Variants in PHF14 observed in about 807,000 individuals in gnomAD.
PHF14 encodes the protein PHD finger protein 14.
PHF14 carries 55 observed loss-of-function variants against 117.9 expected under a neutral mutation model. The observed-to-expected ratio is 0.47, with a 90% confidence interval of 0.38 to 0.58. The LOEUF is 0.58. PHF14 is among the 20% of genes least tolerant of loss of function. The pLI is 0.00. For missense variants in PHF14, 978 were observed against 1,122.2 expected (o/e 0.87, Z 1.84); for synonymous variants, 409 against 368.6 (o/e 1.11, Z -1.26).
At chr7:11,056,387 C>A (rs1739919759) in intron 14 of PHF14, among the ~76,000 whole-genome samples, 1 of 132,586 alleles carries the variant, frequency 7.5e-6, no homozygotes, top group African/African-American at 2.6e-5. Context: ...TATTATATAT[C>A]ATTAGACCCA....
At chr7:11,050,373 T>A (rs1397600999) in intron 13 of PHF14, among the ~76,000 whole-genome samples, 1 of 152,170 alleles carries the variant, frequency 6.6e-6, no homozygotes, top group African/African-American at 2.4e-5. Context: ...TTTGGAGAAT[T>A]TGCTTTTGAT....
intron 13 of PHF14, among the ~76,000 whole-genome samples, chr7:11,045,506 TA>T (rs955693954): frequency 8.5e-5 from 13 of 152,264 alleles, no homozygotes; most frequent in Admixed American, 4.6e-4. Context: ...TTAATTACTA[TA>T]CAATCTGTTG....
chr7:11,141,730 G>A lies in PHF14; in HGVS notation c.2773-27686G>A, dbSNP rs566922759. 2.5e-3 allele frequency among the ~76,000 whole-genome samples: 384 copies of A among 151,994 alleles called. 1 individual carries two copies. The highest frequency in any genetic ancestry group is 4.3e-3 in the Non-Finnish European group (291 of 67,870). ...TCAGTGACAGTATGTAAATCTCTAC[G>A]TGATTATTGGTATTTTTGGGTTTCA... is the stretch of plus-strand genomic sequence containing the variant. On this transcript the variant is annotated intron_variant, in intron 17 of 17. Coordinates refer to ENST00000634607, the MANE Select transcript of PHF14 (RefSeq NM_001007157.2).
intron 2 of PHF14, among the ~76,000 whole-genome samples, chr7:10,976,125 GTCTGTT>G (rs2128306667): frequency 6.6e-6 from 1 of 152,292 alleles, no homozygotes; most frequent in South Asian, 2.1e-4. Context: ...TCAGAATTTA[GTCTGTT>G]TATCTGCTTG....
At chr7:11,104,415 A>G (rs1437400760) in intron 16 of PHF14, 25 of 953,796 alleles carry the variant, frequency 2.6e-5, no homozygotes, top group South Asian at 4.9e-5. Flanking sequence ...TCTCATATCC[A>G]CAGTATAAAA....
rs187852652 is a variant in PHF14 at position 11,155,688 on chromosome 7, T to C, written c.2773-13728T>C. On this transcript the variant is annotated intron_variant, in intron 17 of 17. Coordinates refer to ENST00000634607, the MANE Select transcript of PHF14 (RefSeq NM_001007157.2). ...TGTGTCATAATTGCAATGATACAGT[T>C]ACTTGAGTGATCAATTGTTTTAGTC... Among the ~76,000 whole-genome samples, 27 of 152,318 alleles carry C rather than the reference T, an allele frequency of 1.8e-4. 1 individual carries two copies. The East Asian group carries it at 4.8e-3, about 27-fold the overall frequency.
chr7:11,062,109 T>C, intron 16 of PHF14, 24 bp downstream of exon 16: 1 of 1,575,910 alleles, frequency 6.3e-7, no homozygotes, highest in Middle Eastern at 1.7e-4. Flanking sequence ...TAAAACCTTG[T>C]CTTTAGGGGA....
At chr7:11,082,934 G>C (rs1238741900) in intron 16 of PHF14, among the ~76,000 whole-genome samples, 1 of 151,982 alleles carries the variant, frequency 6.6e-6, no homozygotes, top group African/African-American at 2.4e-5. Context: ...TACATGCCCA[G>C]GCATGCCACA....
chr7:11,071,419 A>G (rs1785608421), intron 16 of PHF14: 1 of 384,428 alleles, frequency 2.6e-6, no homozygotes, highest in South Asian at 2.3e-5. Context: ...TTCCAGTTGC[A>G]TTTTCTCTCA....
chr7:11,159,954 G>A (rs190869241), intron 17 of PHF14, among the ~76,000 whole-genome samples: 10 of 152,270 alleles, frequency 6.6e-5, no homozygotes, highest in Admixed American at 6.5e-4. Context: ...TACATGGGCA[G>A]GTTTGTTACA....
intron 17 of PHF14, among the ~76,000 whole-genome samples, chr7:11,147,942 C>A (rs1302005409): frequency 6.6e-6 from 1 of 152,058 alleles, no homozygotes; most frequent in Non-Finnish European, 1.5e-5. Flanking sequence ...TTTCTTGATT[C>A]TTCTCTATTC....
intron 3 of PHF14, among the ~76,000 whole-genome samples, chr7:10,986,710 T>TAAAAAAAAAAAAA (rs1231582786): frequency 6.6e-6 from 1 of 152,224 alleles, no homozygotes. Context: ...TGAGATTCCT[T>TAAAAAAAAAAAAA]AAGATTATCT....
chr7:11,086,242 A>C (rs1318061296), intron 16 of PHF14, among the ~76,000 whole-genome samples: 1 of 152,176 alleles, frequency 6.6e-6, no homozygotes, highest in Non-Finnish European at 1.5e-5. Flanking sequence ...CATTTCTTGC[A>C]AGGTAAATCT....
intron 7 of PHF14, among the ~76,000 whole-genome samples, chr7:11,029,856 G>GT: frequency 6.6e-6 from 1 of 151,626 alleles, no homozygotes; most frequent in Middle Eastern, 3.2e-3. Context: ...TCCTTGTTAT[G>GT]TTTTTTCTTT....
chr7:11,062,021 G>A lies in PHF14; in HGVS notation c.2590G>A (p.Ala864Thr). Reference sequence around the variant, plus strand: ...GTCTGTGTTGCAAAAGAAGCCCAAGGCTGAAGATTTAAGAACTGAATGTGC... The same window carrying A: ...GTCTGTGTTGCAAAAGAAGCCCAAGACTGAAGATTTAAGAACTGAATGTGC... ...RQSVLQKKPK[A>T]EDLRTECATC... The change falls in exon 16 of 18, where the codon GCT becomes ACT. Residue 864 changes from alanine to threonine, a missense_variant. Around this residue, in one of 7 missense-constraint regions of PHF14, gnomAD observed 180 missense variants for 195.4 expected, o/e 0.92. Coordinates refer to ENST00000634607, the MANE Select transcript of PHF14 (RefSeq NM_001007157.2). 6.2e-7 allele frequency: 1 copy of A among 1,606,226 alleles called. No homozygotes were observed. The highest frequency in any genetic ancestry group is 1.7e-4 in the Middle Eastern group (1 of 6,050).
intron 4 of PHF14, among the ~76,000 whole-genome samples, chr7:10,999,939 T>G (rs915972735): frequency 6.6e-6 from 1 of 152,208 alleles, no homozygotes; most frequent in Non-Finnish European, 1.5e-5. Context: ...GATAACTCAT[T>G]TAATTCCTAA....
intron 17 of PHF14, among the ~76,000 whole-genome samples, chr7:11,114,798 A>T (rs796471006): frequency 1.2e-4 from 18 of 152,148 alleles, no homozygotes; most frequent in African/African-American, 3.9e-4. Flanking sequence ...TACACAAAAC[A>T]TACCTTCTCG....
At chr7:11,036,304 G>A in intron 8 of PHF14, 114 bp from the exon 9 acceptor site, 1 of 913,738 alleles carries the variant, frequency 1.1e-6, no homozygotes, top group Non-Finnish European at 1.7e-6. Context: ...TTGCTTTGGT[G>A]TGAGAAGTTC....
At chr7:11,051,559 A>G in intron 13 of PHF14, 53 bp from the exon 14 acceptor site, 3 of 1,435,922 alleles carry the variant, frequency 2.1e-6, no homozygotes, top group Non-Finnish European at 1.9e-6. Flanking sequence ...AACTATAGCT[A>G]AAGCCAGAAG....
Sources: allele counts gnomAD v4.1 joint callset (sites outside exome capture counted in the v4.1 genomes callset), GRCh38; gene constraint gnomAD v4.1.1; regional missense constraint gnomAD v4.1.1; transcripts MANE v1.5; gene names NCBI Gene and HGNC (gene_info 2026-07-23, HGNC 2026-07-21).